FCHO1: variants seen among roughly 807,000 people sequenced by gnomAD.
The protein encoded by FCHO1 is FCH and mu domain containing endocytic adaptor 1.
A neutral mutation model predicts 114.4 loss-of-function variants in FCHO1; 45 were observed. That is an observed-to-expected ratio of 0.39 (90% CI 0.31 to 0.50). The LOEUF is 0.50. FCHO1 is among the 20% of genes least tolerant of loss of function. The pLI, the probability that FCHO1 is intolerant of heterozygous loss-of-function variation, is 0.77. For missense variants in FCHO1, 1,042 were observed against 1,209.6 expected, an observed-to-expected ratio of 0.86 and a Z score of 2.06; for synonymous variants, 480 against 488.9, an observed-to-expected ratio of 0.98 and a Z score of 0.24.
chr19:17,786,661 G>T, intron 27 of FCHO1, 32 bp downstream of exon 27: 1 of 1,566,212 alleles, frequency 6.4e-7, no homozygotes, highest in Non-Finnish European at 8.8e-7. Context: ...GGGCTGGGTG[G>T]GAGGGACTGG....
rs2089593500 is a variant in FCHO1, at chr19:17,767,218, G to A, written c.336+408G>A. Among the ~76,000 whole-genome samples the A allele has an allele frequency of 2.0e-5, 3 of 151,808 alleles. No homozygotes were observed. The South Asian group carries it at 6.2e-4, about 32-fold the overall frequency. On this transcript the variant is annotated intron_variant, in intron 7 of 28. Transcript: ENST00000596536. ...GCCTCAGCCCCCACAGAATAGCTGG[G>A]ACTACGTTGCACGCCACCATGCCTG... is the stretch of plus-strand genomic sequence containing the variant.
At position 17,770,419 on chromosome 19, in the gene FCHO1, C is replaced by T; in HGVS notation, c.337-6C>T. 1 of 1,606,344 alleles carries T rather than the reference C, an allele frequency of 6.2e-7. No homozygotes were observed. Among genetic ancestry groups the T allele is most frequent in the Non-Finnish European group, 8.5e-7 (1 of 1,175,624 alleles). On this transcript the variant is annotated splice_region_variant and splice_polypyrimidine_tract_variant and intron_variant, in intron 7 of 28. Transcript: ENST00000596536. Reference sequence around the variant, plus strand: ...TCTACCCATGAAATCCCCTCCTACCCCGCAGTGCAAGGAGGAAGTGGTGAG... The same window carrying T: ...TCTACCCATGAAATCCCCTCCTACCTCGCAGTGCAAGGAGGAAGTGGTGAG...
In FCHO1 at chr19:17,770,719, C is replaced by T. The variant is rs981572159; in HGVS notation, c.490-73C>T. The T allele has an allele frequency of 6.3e-6, 10 of 1,580,222 alleles. No homozygotes were observed. The African/African-American group carries it at 1.2e-4, about 19-fold the overall frequency. On this transcript the variant is annotated intron_variant, in intron 8 of 28. Transcript: ENST00000596536. The stretch of plus-strand genomic sequence containing the variant: ...CTGGGTACCCCGAGGAGTTCACCTG[C>T]CAGGTGATGGGGCCTGGGGGAGGCC...
rs2094040923 is a variant in FCHO1 at position 17,787,826 on chromosome 19, TGAA to T, written c.2630_2632del (p.Lys877del). ...GGCAGCGGTTACCGCATGTCGCTGGTGAAGAGGAGGTTTGCCACAGGTACTCCC... is the reference window on the plus strand; with the variant it reads ...GGCAGCGGTTACCGCATGTCGCTGGTGAGGAGGTTTGCCACAGGTACTCCC... On this transcript the variant is annotated inframe_deletion, in exon 28 of 29. Transcript: ENST00000596536. 1 of 1,613,210 alleles carries T rather than the reference TGAA, an allele frequency of 6.2e-7. No individual in the cohort carries two copies. The highest frequency in any genetic ancestry group is 8.5e-7 in the Non-Finnish European group (1 of 1,179,780).
At chr19:17,766,938 C>T (rs2089441299) in intron 7 of FCHO1, 128 bp downstream of exon 7, 5 of 1,051,882 alleles carry the variant, frequency 4.8e-6, no homozygotes, top group South Asian at 3.2e-5. Flanking sequence ...AATTCCACAA[C>T]GTCAAGCCCA....
Position 17,770,589 on chromosome 19 carries a change from G to A in FCHO1, c.489+12G>A, listed in dbSNP as rs375019038. ...AGGAGATGGACAAGGTGGGCTCACA[G>A]TGGGGGGGTTCTGAGGAATTTGCCG... On this transcript the variant is annotated intron_variant, in intron 8 of 28. Coordinates refer to ENST00000596536, the MANE Select transcript of FCHO1 (RefSeq NM_015122.3). 1 of 1,608,274 alleles carries A rather than the reference G, an allele frequency of 6.2e-7. No individual in the cohort carries two copies.
chr19:17,786,869 G>C (rs1476026356), intron 27 of FCHO1, among the ~76,000 whole-genome samples: 4 of 151,838 alleles, frequency 2.6e-5, no homozygotes, highest in Admixed American at 6.6e-5. Flanking sequence ...AGTGACCCGT[G>C]ATCGTACCAC....
chr19:17,778,937 T>G, intron 20 of FCHO1, 53 bp downstream of exon 20: 1 of 1,467,214 alleles, frequency 6.8e-7, no homozygotes, highest in Admixed American at 2.5e-5. Context: ...GGCGGGGGAT[T>G]GAGCGCCTGC....
intron 13 of FCHO1, 60 bp downstream of exon 13, chr19:17,774,538 A>C: frequency 7.2e-7 from 1 of 1,386,868 alleles, no homozygotes; most frequent in South Asian, 1.2e-5. Flanking sequence ...TCCCCTGCCC[A>C]GGCTATCCCA....
In FCHO1 at chr19:17,775,583, C is replaced by T; in HGVS notation, c.1003+70C>T. 7.3e-7 allele frequency: 1 copy of T among 1,374,732 alleles called. No homozygotes were observed. The highest frequency in any genetic ancestry group is 1.2e-5 in the South Asian group (1 of 86,084). 85.2% of individuals were successfully genotyped at this position (1,374,732 alleles called of 1,614,324 possible). ...GACAAAATTCTCCGTAATAACCAGTCCACCTTCAGCAGTCCTCTCTGTGTA... is the reference window on the plus strand; with the variant it reads ...GACAAAATTCTCCGTAATAACCAGTTCACCTTCAGCAGTCCTCTCTGTGTA... On this transcript the variant is annotated intron_variant, in intron 15 of 28. Transcript: ENST00000596536. The surrounding 1 kb of genome is among the most constrained non-coding windows in gnomAD (Gnocchi z 5.1).
chr19:17,784,214 C>T lies in FCHO1; in HGVS notation c.2205C>T (p.Asn735=), dbSNP rs144094946. 123 of 1,611,336 alleles carry T rather than the reference C, an allele frequency of 7.6e-5. No individual in the cohort carries two copies. The highest frequency in any genetic ancestry group is 2.3e-4 in the South Asian group (21 of 90,794). Residue 735 remains asparagine, a synonymous_variant, in exon 25 of 29, where the codon AAC becomes AAT. Coordinates refer to ENST00000596536, the MANE Select transcript of FCHO1 (RefSeq NM_015122.3). This position sits in a 1 kb window ranked among gnomAD's most constrained non-coding sequence, Gnocchi z 5.3. ...AEQNPTASYY[N]VVLLRYQFSR... ...AGAACCCCACTGCCTCCTACTACAA[C>T]GTGGTGCTGCTGCGATACCAGGTGC...
In FCHO1 at chr19:17,781,306, A is replaced by G; in HGVS notation, c.1703A>G (p.Lys568Arg). 15 of 1,613,996 alleles carry G rather than the reference A, an allele frequency of 9.3e-6. No individual in the cohort carries two copies. Among genetic ancestry groups the G allele is most frequent in the Non-Finnish European group, 1.3e-5 (15 of 1,179,930 alleles). ...CCACCCAGGAGACTTCGCTCTAGGA[A>G]GGTGTCCTGCCCTCTCACACGTAGC... The part of the protein sequence containing the change: ...AAPPRRLRSR[K>R]VSCPLTRSNG... The change falls in exon 21 of 29, where the codon AAG becomes AGG. Residue 568 changes from lysine to arginine, a missense_variant. Coordinates refer to ENST00000596536, the MANE Select transcript of FCHO1 (RefSeq NM_015122.3).
At chr19:17,749,578 A>AG (rs1026480777), upstream of FCHO1, among the ~76,000 whole-genome samples, 3 of 152,004 alleles carry the variant, frequency 2.0e-5, no homozygotes, top group African/African-American at 7.3e-5. Context: ...AGGAAGAGGG[A>AG]GGGGACCCAT....
At chr19:17,748,514 G>A (rs1191589995), upstream of FCHO1, among the ~76,000 whole-genome samples, 1 of 151,538 alleles carries the variant, frequency 6.6e-6, no homozygotes, top group Non-Finnish European at 1.5e-5. Context: ...ACTTGGGGGG[G>A]GGGTCCCTCT....
In FCHO1 at chr19:17,775,093, G is replaced by A; in HGVS notation, c.945+13G>A. 2 of 1,611,910 alleles carry A rather than the reference G, an allele frequency of 1.2e-6. No homozygotes were observed. The highest frequency in any genetic ancestry group is 1.1e-5 in the South Asian group (1 of 90,792). ...GCCCGATTCAGGGGTGAGTGATGTG[G>A]GAGGGGTCAGGCTGGGCTACAAGTG... is the stretch of plus-strand genomic sequence containing the variant. On this transcript the variant is annotated intron_variant, in intron 14 of 28. Coordinates refer to ENST00000596536, the MANE Select transcript of FCHO1 (RefSeq NM_015122.3). The surrounding 1 kb of genome is among the most constrained non-coding windows in gnomAD (Gnocchi z 5.1).
At chr19:17,760,644 G>T (rs1340587148) in intron 4 of FCHO1, among the ~76,000 whole-genome samples, 1 of 152,094 alleles carries the variant, frequency 6.6e-6, no homozygotes, top group Admixed American at 6.6e-5. Context: ...CATTGACATG[G>T]ATTATCTTGC....
chr19:17,773,272 C>T (rs1271960984), intron 11 of FCHO1, among the ~76,000 whole-genome samples: 3 of 152,224 alleles, frequency 2.0e-5, no homozygotes, highest in Non-Finnish European at 1.5e-5. Flanking sequence ...CTCTGAGCCT[C>T]AGTTTCCTCA....
In FCHO1 at chr19:17,776,210, A is replaced by G. The variant is rs1599720818; in HGVS notation, c.1183-37A>G. 5 of 1,613,974 alleles carry G rather than the reference A, an allele frequency of 3.1e-6. No individual in the cohort carries two copies. The highest frequency in any genetic ancestry group is 2.7e-5 in the African/African-American group (2 of 74,980). On this transcript the variant is annotated intron_variant, in intron 16 of 28. Coordinates refer to ENST00000596536, the MANE Select transcript of FCHO1 (RefSeq NM_015122.3). This position sits in a 1 kb window ranked among gnomAD's most constrained non-coding sequence, Gnocchi z 4.4. ...GGGTGTTGCTAGAGAGGCTGGCTGG[A>G]TGCATTCGTGTGTGATGTTGCCCAC...
Position 17,784,620 on chromosome 19 carries a change from T to TG in FCHO1, c.2227-101dup, listed in dbSNP as rs374184203. ...AAATCTCCCTGTGACTGGACCCCCT[T>TG]GGGGCGGTGCGTGCATCGCAGGGTC... On this transcript the variant is annotated intron_variant, in intron 25 of 28. Coordinates refer to ENST00000596536, the MANE Select transcript of FCHO1 (RefSeq NM_015122.3). This position sits in a 1 kb window ranked among gnomAD's most constrained non-coding sequence, Gnocchi z 5.3. 1.8e-6 allele frequency: 2 copies of TG among 1,085,310 alleles called. No homozygotes were observed. The highest frequency in any genetic ancestry group is 3.1e-5 in the African/African-American group (2 of 64,850). The allele number at this position is 1,085,310 out of a possible 1,614,324, so 67.2% of individuals were successfully genotyped here. A position where few individuals can be genotyped will look rare whatever the true frequency, so the allele number is the denominator to read the frequency against.
Sources: gnomAD v4.1 joint callset for allele counts (sites outside exome capture counted in the v4.1 genomes callset) on GRCh38, gnomAD v4.1.1 for gene constraint, Gnocchi (gnomAD v3.1) non-coding constraint, MANE v1.5 for transcripts, NCBI Gene and HGNC (gene_info 2026-07-23, HGNC 2026-07-21) for gene names.